CDH13: variants seen among roughly 807,000 people sequenced by gnomAD.
CDH13 encodes cadherin-13.
CDH13 carries 24 observed loss-of-function variants against 63.8 expected under a neutral mutation model. The ratio of observed to expected loss-of-function variants is 0.38; its 90% CI spans 0.27 to 0.53. The LOEUF is 0.53. Among genes scored for constraint, CDH13 ranks in the 20% least tolerant of loss-of-function variants. CDH13 has a pLI of 0.85. For synonymous variants in CDH13, 503 were observed against 355.3 expected, an observed-to-expected ratio of 1.42 and a Z score of -4.67; for missense variants, 1,049 against 903.1, an observed-to-expected ratio of 1.16 and a Z score of -2.07.
At chr16:83,033,345 T>G (rs1165245755) in intron 3 of CDH13, among the ~76,000 whole-genome samples, 1 of 152,016 alleles carries the variant, frequency 6.6e-6, no homozygotes, top group Non-Finnish European at 1.5e-5. Context: ...ATGTATACAT[T>G]TGCATTTAAC....
At chr16:83,386,806 T>C (rs2091683501) in intron 6 of CDH13, among the ~76,000 whole-genome samples, 1 of 152,164 alleles carries the variant, frequency 6.6e-6, no homozygotes, top group African/African-American at 2.4e-5. Flanking sequence ...GTCAGGGGTG[T>C]CCCCACTGTG....
At chr16:83,483,176 A>C (rs531231960) in intron 6 of CDH13, among the ~76,000 whole-genome samples, 5 of 152,210 alleles carry the variant, frequency 3.3e-5, no homozygotes, top group African/African-American at 1.2e-4. Context: ...GTTGTCTTCA[A>C]TGCTGCAAAC....
Position 82,828,103 on chromosome 16 carries a change from T to C in CDH13, c.46-30259T>C, listed in dbSNP as rs185596624. ...TCTGGATGGGTTGAGTCTGATAGGC[T>C]CTGTTGTATTTGATTAGACAGCTTT... On this transcript the variant is annotated intron_variant, in intron 1 of 13. Transcript: ENST00000567109. Among the ~76,000 whole-genome samples, 57 of 152,256 alleles carry C rather than the reference T, an allele frequency of 3.7e-4. 2 individuals are homozygous for C. Among genetic ancestry groups the C allele is most frequent in the African/African-American group, 1.2e-3 (50 of 41,546 alleles).
At chr16:83,697,334 T>C (rs1461485665) in intron 10 of CDH13, among the ~76,000 whole-genome samples, 1 of 152,186 alleles carries the variant, frequency 6.6e-6, no homozygotes, top group African/African-American at 2.4e-5. Flanking sequence ...TTTAGTGCCG[T>C]GATTTTTATT....
chr16:83,500,770 G>A (rs763362196), intron 7 of CDH13, among the ~76,000 whole-genome samples: 5 of 151,146 alleles, frequency 3.3e-5, no homozygotes, highest in Non-Finnish European at 5.9e-5. Context: ...TGTGGAGACG[G>A]GGTTTCACCA....
intron 4 of CDH13, among the ~76,000 whole-genome samples, chr16:83,173,832 C>T (rs1037539241): frequency 6.6e-6 from 1 of 152,024 alleles, no homozygotes; most frequent in African/African-American, 2.4e-5. Flanking sequence ...TCCTAGCATC[C>T]ATCTTGCTGT....
At chr16:83,040,596 G>A (rs1917246659) in intron 3 of CDH13, among the ~76,000 whole-genome samples, 1 of 152,166 alleles carries the variant, frequency 6.6e-6, no homozygotes, top group South Asian at 2.1e-4. Flanking sequence ...TCCATGCCTG[G>A]TTTTATGCTG....
At chr16:83,769,342 G>A (rs1168316178) in intron 11 of CDH13, among the ~76,000 whole-genome samples, 2 of 152,164 alleles carry the variant, frequency 1.3e-5, no homozygotes, top group Non-Finnish European at 2.9e-5. Flanking sequence ...GGGAACGGTG[G>A]GGAAGCAAAT....
At chr16:83,453,442 G>C (rs1189753729) in intron 6 of CDH13, among the ~76,000 whole-genome samples, 1 of 152,086 alleles carries the variant, frequency 6.6e-6, no homozygotes, top group African/African-American at 2.4e-5. Flanking sequence ...CCCCACACAG[G>C]ATTGTTGAAA....
At chr16:83,269,726 C>T (rs1443275725) in intron 5 of CDH13, among the ~76,000 whole-genome samples, 1 of 152,194 alleles carries the variant, frequency 6.6e-6, no homozygotes, top group African/African-American at 2.4e-5. Flanking sequence ...TCCTCTTTGA[C>T]CTCTGGCCAC....
At chr16:82,784,190 T>G (rs1177261219) in intron 1 of CDH13, among the ~76,000 whole-genome samples, 1 of 152,192 alleles carries the variant, frequency 6.6e-6, no homozygotes, top group African/African-American at 2.4e-5. Flanking sequence ...GTTTCTTCTA[T>G]GAAGCTGCTC....
chr16:82,705,148 C>G (rs1032843427), intron 1 of CDH13: 1 of 455,888 alleles, frequency 2.2e-6, no homozygotes. Context: ...TTGCTGACCA[C>G]AAAGGCAAAA....
chr16:83,156,086 G>T (rs2037196667), intron 4 of CDH13, among the ~76,000 whole-genome samples: 1 of 152,194 alleles, frequency 6.6e-6, no homozygotes, highest in Non-Finnish European at 1.5e-5. Flanking sequence ...TGGTAGCAGT[G>T]TGCATTCCAG....
chr16:83,781,700 C>G (rs1353037833), intron 12 of CDH13, among the ~76,000 whole-genome samples: 2 of 151,596 alleles, frequency 1.3e-5, no homozygotes, highest in African/African-American at 2.4e-5. Flanking sequence ...GTTTTTATGG[C>G]TATAGCCTAT....
In CDH13 at chr16:83,331,931, C is replaced by G. The variant is rs371387565; in HGVS notation, c.637-12931C>G. On this transcript the variant is annotated intron_variant, in intron 5 of 13. Coordinates refer to ENST00000567109, the MANE Select transcript of CDH13 (RefSeq NM_001257.5). ...GAGTATACATGTTGCTACACACATA[C>G]ACACACAACCACACACGCACATATC... Among the ~76,000 whole-genome samples, 18 of 152,218 alleles carry G rather than the reference C, an allele frequency of 1.2e-4. No individual in the cohort carries two copies. In the East Asian group the frequency reaches 2.7e-3, roughly 23 times the overall value.
intron 6 of CDH13, among the ~76,000 whole-genome samples, chr16:83,435,524 C>T (rs1245806090): frequency 6.6e-6 from 1 of 152,192 alleles, no homozygotes; most frequent in African/African-American, 2.4e-5. Context: ...TCTCTTCACT[C>T]TGTCTCATTC....
chr16:82,868,560 A>G (rs1292296376), intron 2 of CDH13, among the ~76,000 whole-genome samples: 1 of 152,228 alleles, frequency 6.6e-6, no homozygotes, highest in African/African-American at 2.4e-5. Context: ...AAACACAAGA[A>G]GTAACAGAGT....
rs549193043 is a variant in CDH13 at position 83,066,273 on chromosome 16, C to T, written c.366+34055C>T. 1.5e-3 allele frequency among the ~76,000 whole-genome samples: 225 copies of T among 152,302 alleles called. 3 individuals are homozygous for T. Among genetic ancestry groups the T allele is most frequent in the Middle Eastern group, 6.8e-3 (2 of 294 alleles). ...TCAGTTTCTCAATTTGCATGAGATACGGGAGCTTCCTAAGACATGAGACTT... is the reference window on the plus strand; with the variant it reads ...TCAGTTTCTCAATTTGCATGAGATATGGGAGCTTCCTAAGACATGAGACTT... On this transcript the variant is annotated intron_variant, in intron 3 of 13. Coordinates refer to ENST00000567109, the MANE Select transcript of CDH13 (RefSeq NM_001257.5).
intron 2 of CDH13, among the ~76,000 whole-genome samples, chr16:82,994,737 A>T (rs1020571577): frequency 2.0e-5 from 3 of 152,222 alleles, no homozygotes; most frequent in African/African-American, 7.2e-5. Flanking sequence ...AGCCCCAAAC[A>T]AACACTTCTT....
Sources: gnomAD v4.1 joint callset for allele counts (sites outside exome capture counted in the v4.1 genomes callset) on GRCh38, gnomAD v4.1.1 for gene constraint, MANE v1.5 for transcripts, NCBI Gene and HGNC (gene_info 2026-07-23, HGNC 2026-07-21) for gene names.